The following LPIN1 variants were observed in gnomAD, a reference collection of about 807,000 sequenced individuals.
LPIN1 encodes phosphatidate phosphatase LPIN1.
A neutral mutation model predicts 107.5 loss-of-function variants in LPIN1; 71 were observed. The observed-to-expected ratio is 0.66, with a 90% CI of 0.55 to 0.80. LPIN1 has a LOEUF of 0.80. LPIN1 is among the 30% of genes least tolerant of loss of function. The pLI is 0.00. For synonymous variants in LPIN1, 445 were observed against 452.6 expected, an observed-to-expected ratio of 0.98 and a Z score of 0.21; for missense variants, 1,043 against 1,160.6, an observed-to-expected ratio of 0.90 and a Z score of 1.47.
At chr2:11,766,836 T>A (rs534175379) in intron 2 of LPIN1, among the ~76,000 whole-genome samples, 1 of 152,182 alleles carries the variant, frequency 6.6e-6, no homozygotes, top group East Asian at 1.9e-4. Context: ...CAGTGCACAG[T>A]CTTTTGAAAG....
chr2:11,738,016 G>A (rs901180150), intron 1 of LPIN1, among the ~76,000 whole-genome samples: 15 of 152,148 alleles, frequency 9.9e-5, no homozygotes, highest in African/African-American at 3.6e-4. Flanking sequence ...ACTGGATAAA[G>A]AAAAAGTGGC....
At chr2:11,747,107 C>A (rs1300092733) in intron 1 of LPIN1, among the ~76,000 whole-genome samples, 1 of 152,208 alleles carries the variant, frequency 6.6e-6, no homozygotes, top group East Asian at 1.9e-4. Context: ...GCCTTTCTTT[C>A]CCCCGGAGTT....
intron 1 of LPIN1, among the ~76,000 whole-genome samples, chr2:11,761,314 T>G (rs1301836478): frequency 6.6e-6 from 1 of 152,222 alleles, no homozygotes; most frequent in African/African-American, 2.4e-5. Context: ...CTTTTTTGCA[T>G]GAAGTTAAAC....
intron 1 of LPIN1, among the ~76,000 whole-genome samples, chr2:11,708,180 C>G (rs897807111): frequency 6.6e-6 from 1 of 152,186 alleles, no homozygotes; most frequent in Non-Finnish European, 1.5e-5. Flanking sequence ...TGGGCATTAC[C>G]CTTCACTGTT....
chr2:11,741,266 G>A, intron 1 of LPIN1: 6 of 969,194 alleles, frequency 6.2e-6, no homozygotes, highest in South Asian at 3.3e-5. Context: ...TCTGTAGAAT[G>A]TGAGGATGGC....
chr2:11,722,866 C>T (rs1291516649), upstream of LPIN1, among the ~76,000 whole-genome samples: 1 of 152,220 alleles, frequency 6.6e-6, no homozygotes, highest in African/African-American at 2.4e-5. Context: ...AACAATCACA[C>T]TCTCATATAG....
At chr2:11,792,705 C>T (rs1490464180) in intron 13 of LPIN1, among the ~76,000 whole-genome samples, 2 of 152,334 alleles carry the variant, frequency 1.3e-5, no homozygotes, top group South Asian at 4.1e-4. Flanking sequence ...TTTAATGAGG[C>T]ATACTCACAG....
At chr2:11,679,312 G>A (rs1355919703) in intron 1 of LPIN1, among the ~76,000 whole-genome samples, 3 of 152,102 alleles carry the variant, frequency 2.0e-5, no homozygotes, top group South Asian at 2.1e-4. Context: ...TCCAACCCTC[G>A]TTCTCTCCTG....
chr2:11,798,776 A>G (rs988521718), intron 14 of LPIN1, among the ~76,000 whole-genome samples: 4 of 132,710 alleles, frequency 3.0e-5, no homozygotes, highest in Non-Finnish European at 4.9e-5. Context: ...GCAGTTGACT[A>G]AAAAAAAAAA....
intron 1 of LPIN1, among the ~76,000 whole-genome samples, chr2:11,724,992 G>C (rs1664459044): frequency 6.6e-6 from 1 of 152,180 alleles, no homozygotes; most frequent in East Asian, 1.9e-4. Flanking sequence ...GCCGGGCGCG[G>C]TGGCTCACAC....
Position 11,787,034 on chromosome 2 carries a change from C to A in LPIN1, c.1550-40C>A, listed in dbSNP as rs1256064253. 5 of 1,435,122 alleles carry A rather than the reference C, an allele frequency of 3.5e-6. No individual in the cohort carries two copies. In the East Asian group the frequency reaches 1.1e-4, roughly 33 times the overall value. 88.9% of individuals were successfully genotyped at this position (1,435,122 alleles called of 1,614,324 possible). On this transcript the variant is annotated intron_variant, in intron 10 of 20. Transcript: ENST00000674199. ...TAGGCCTAATTTTGAACTGAATTTT[C>A]TTTTTGTTTTTCCCTGATCCTCTGC...
At position 11,779,657 on chromosome 2, in the gene LPIN1, T is replaced by G. The variant is rs1673241982; in HGVS notation, c.957+12T>G. ...CGCAGGCTGCTAAGGTGAGAGTCTC[T>G]TCAATTCTGCCACGGACCGAAGATT... On this transcript the variant is annotated intron_variant, in intron 7 of 20. Coordinates refer to ENST00000674199, the MANE Select transcript of LPIN1 (RefSeq NM_001349206.2). The G allele has an allele frequency of 6.2e-7, 1 of 1,613,574 alleles. No homozygotes were observed. The highest frequency in any genetic ancestry group is 8.5e-7 in the Non-Finnish European group (1 of 1,179,724).
At chr2:11,759,793 G>T (rs1223989643) in intron 1 of LPIN1, among the ~76,000 whole-genome samples, 30 of 145,770 alleles carry the variant, frequency 2.1e-4, no homozygotes, top group Non-Finnish European at 3.5e-4. Context: ...TCCCGGACGG[G>T]GCGGCTGGCC....
At chr2:11,763,677 A>G (rs373620575) in intron 1 of LPIN1, among the ~76,000 whole-genome samples, 6 of 152,068 alleles carry the variant, frequency 3.9e-5, no homozygotes, top group African/African-American at 1.2e-4. Context: ...ATGGCTTCAC[A>G]CAGCAGAGCC....
intron 14 of LPIN1, among the ~76,000 whole-genome samples, chr2:11,797,624 C>T (rs1286800805): frequency 1.3e-5 from 2 of 152,106 alleles, no homozygotes; most frequent in East Asian, 1.9e-4. Context: ...GGCTTGTAGC[C>T]CCTTCGTTTT....
At chr2:11,798,251 G>T (rs558862483) in intron 14 of LPIN1, among the ~76,000 whole-genome samples, 1 of 152,238 alleles carries the variant, frequency 6.6e-6, no homozygotes, top group African/African-American at 2.4e-5. Flanking sequence ...GTGTGAGAAC[G>T]GACTAATACA....
chr2:11,817,184 G>A (rs1488515406), intron 18 of LPIN1: 1 of 152,120 alleles, frequency 6.6e-6, no homozygotes, highest in African/African-American at 2.4e-5. Flanking sequence ...GCACACAAAT[G>A]ACCTTCCTTA....
Position 11,824,920 on chromosome 2 carries a change from ATTGAG to A in LPIN1, c.*130_*134del. Reference sequence around the variant, plus strand: ...CATCATTGGCCTGACAGCAGAGAGAATTGAGAAGCATTTCTCCCCTGCCCCACCCC... The same window carrying A: ...CATCATTGGCCTGACAGCAGAGAGAAAAGCATTTCTCCCCTGCCCCACCCC... On this transcript the variant is annotated 3_prime_UTR_variant, in exon 21 of 21. Coordinates refer to ENST00000674199, the MANE Select transcript of LPIN1 (RefSeq NM_001349206.2). 2.8e-6 allele frequency: 3 copies of A among 1,064,378 alleles called. No homozygotes were observed. Among genetic ancestry groups the A allele is most frequent in the Non-Finnish European group, 4.2e-6 (3 of 716,884 alleles). The allele number at this position is 1,064,378 out of a possible 1,614,324, so 65.9% of individuals were successfully genotyped here.
chr2:11,714,369 G>A (rs181160637), intron 2 of LPIN1, among the ~76,000 whole-genome samples: 50 of 152,220 alleles, frequency 3.3e-4, no homozygotes, highest in Admixed American at 4.6e-4. Flanking sequence ...GTCTGCCCCC[G>A]AGGCTGTCTT....
Sources: allele counts gnomAD v4.1 joint callset (sites outside exome capture counted in the v4.1 genomes callset), GRCh38; gene constraint gnomAD v4.1.1; transcripts MANE v1.5; gene names NCBI Gene and HGNC (gene_info 2026-07-23, HGNC 2026-07-21).